Variants in TARBP1 observed in about 807,000 individuals in gnomAD.
TARBP1 encodes the protein tRNA (guanosine(18)-2'-O)-methyltransferase TARBP1.
In TARBP1, 144 loss-of-function variants were observed where a neutral mutation model predicts 178.6. That is an observed-to-expected ratio of 0.81 (90% CI 0.70 to 0.93). The LOEUF (loss-of-function observed/expected upper bound fraction) is 0.93. Among genes scored for constraint, TARBP1 ranks in the 40% least tolerant of loss-of-function variants. TARBP1 has a pLI of 0.00. For missense variants in TARBP1, 2,067 were observed against 2,011.7 expected, an observed-to-expected ratio of 1.03 and a Z score of -0.53; for synonymous variants, 787 against 781.0, an observed-to-expected ratio of 1.01 and a Z score of -0.13.
chr1:234,417,360 A>C (rs1662540686), intron 22 of TARBP1, among the ~76,000 whole-genome samples: 2 of 152,194 alleles, frequency 1.3e-5, no homozygotes, highest in Admixed American at 1.3e-4. Context: ...AAGAATAAGG[A>C]TATCTTTCCT....
intron 12 of TARBP1, among the ~76,000 whole-genome samples, chr1:234,439,308 A>T (rs1558209910): frequency 6.6e-6 from 1 of 152,224 alleles, no homozygotes; most frequent in Non-Finnish European, 1.5e-5. Flanking sequence ...GCTTTTCAAC[A>T]AATGTAAATA....
In TARBP1 at chr1:234,404,699, G is replaced by A. The variant is rs372834874; in HGVS notation, c.3989+1204C>T. Reference sequence around the variant, plus strand: ...TTCTCCAGTATACAGAACTGTGCACGATGTACCAGGAATCCATTCCCGCCT... The same window carrying A: ...TTCTCCAGTATACAGAACTGTGCACAATGTACCAGGAATCCATTCCCGCCT... On this transcript the variant is annotated intron_variant, in intron 24 of 29. Coordinates refer to ENST00000040877, the MANE Select transcript of TARBP1 (RefSeq NM_005646.4). Among the ~76,000 whole-genome samples the A allele has an allele frequency of 1.5e-3, 227 of 152,250 alleles. 2 individuals carry two copies. The South Asian group carries it at 0.034, about 23-fold the overall frequency.
Position 234,463,811 on chromosome 1 carries a change from TA to T in TARBP1, c.1399+25del, listed in dbSNP as rs200211800. ...AAGAAACTGTAAGCTAAAGCATTTTTAAAAAAACCCTTTACTGACACATACT... is the reference window on the plus strand; with the variant it reads ...AAGAAACTGTAAGCTAAAGCATTTTTAAAAAACCCTTTACTGACACATACT... On this transcript the variant is annotated intron_variant, in intron 6 of 29. Coordinates refer to ENST00000040877, the MANE Select transcript of TARBP1 (RefSeq NM_005646.4). The T allele has an allele frequency of 1.7e-5, 24 of 1,407,336 alleles. No individual in the cohort carries two copies. In the African/African-American group the frequency reaches 2.7e-4, roughly 16 times the overall value. 87.2% of individuals were successfully genotyped at this position (1,407,336 alleles called of 1,614,324 possible). A position where few individuals can be genotyped will look rare whatever the true frequency, so the allele number is the denominator to read the frequency against.
intron 20 of TARBP1, among the ~76,000 whole-genome samples, chr1:234,421,919 G>A (rs1280044754): frequency 2.6e-5 from 4 of 151,940 alleles, no homozygotes; most frequent in Admixed American, 6.5e-5. Flanking sequence ...CCATAATCTC[G>A]TTCTCTGCAT....
In TARBP1 at chr1:234,478,689, C is replaced by T. The variant is rs1669829212; in HGVS notation, c.415G>A (p.Ala139Thr). 2 of 1,221,482 alleles carry T rather than the reference C, an allele frequency of 1.6e-6. No homozygotes were observed. The highest frequency in any genetic ancestry group is 2.0e-6 in the Non-Finnish European group (2 of 979,844). 75.7% of individuals were successfully genotyped at this position (1,221,482 alleles called of 1,614,324 possible). A position where few individuals can be genotyped will look rare whatever the true frequency, so the allele number is the denominator to read the frequency against. Residue 139 changes from alanine (A) to threonine (T), a missense_variant, in exon 1 of 30, where the codon GCT becomes ACT. Coordinates refer to ENST00000040877, the MANE Select transcript of TARBP1 (RefSeq NM_005646.4). ...LAGWRAPGAE[A>T]AVEVLAAVGP... is the part of the protein sequence containing the mutation. ...ACGGCTGCTAGCACTTCCACGGCAG[C>T]CTCGGCGCCAGGCGCGCGCCACCCG...
At chr1:234,468,459 C>G (rs1013912970) in intron 3 of TARBP1, among the ~76,000 whole-genome samples, 1 of 152,076 alleles carries the variant, frequency 6.6e-6, no homozygotes, top group Non-Finnish European at 1.5e-5. Flanking sequence ...CAGAGTGAGA[C>G]TCTGTCTTGA....
chr1:234,470,025 G>A (rs932237062), intron 3 of TARBP1, among the ~76,000 whole-genome samples: 2 of 152,226 alleles, frequency 1.3e-5, no homozygotes, highest in Non-Finnish European at 2.9e-5. Context: ...CCAGCACTTT[G>A]GGAGGCTGAG....
At chr1:234,467,473 G>C in intron 4 of TARBP1, 29 bp downstream of exon 4, 1 of 1,513,574 alleles carries the variant, frequency 6.6e-7, no homozygotes, top group South Asian at 1.4e-5. Flanking sequence ...TCAACAATGG[G>C]AGCAAGGAAG....
chr1:234,406,236 T>C (rs1250000677), intron 23 of TARBP1, 137 bp from the exon 24 acceptor site: 5 of 724,480 alleles, frequency 6.9e-6, no homozygotes, highest in Non-Finnish European at 9.0e-6. Context: ...TACCAGGGCC[T>C]CTCATTCTTC....
rs941965 is a variant in TARBP1, at chr1:234,478,952, C to T, written c.152G>A (p.Ser51Asn). ...CTCCGGGAGCGCGCCTGCGCCCCCG[C>T]TGCCGCGCGCCTCCTCGTCCTCGAG... is the stretch of plus-strand genomic sequence containing the variant. ...QRLEDEEARG[S>N]GGAGALPEAA... The change falls in exon 1 of 30, where the codon AGC becomes AAC. Residue 51 changes from serine to asparagine, a missense_variant. Transcript: ENST00000040877. The T allele has an allele frequency of 0.036, 52,306 of 1,457,124 alleles. 1,689 individuals are homozygous for T. Among genetic ancestry groups the T allele is most frequent in the African/African-American group, 0.16 (10,607 of 67,422 alleles). The allele number at this position is 1,457,124 out of a possible 1,614,324, so 90.3% of individuals were successfully genotyped here.
At chr1:234,411,533 C>T (rs149597814) in intron 22 of TARBP1, among the ~76,000 whole-genome samples, 5,418 of 152,254 alleles carry the variant, frequency 0.036, 139 homozygotes, top group South Asian at 0.081. Context: ...AACAAAGACA[C>T]AGAGGCAAAC....
At chr1:234,447,847 T>C (rs942155851) in intron 11 of TARBP1, among the ~76,000 whole-genome samples, 1 of 152,226 alleles carries the variant, frequency 6.6e-6, no homozygotes, top group Non-Finnish European at 1.5e-5. Flanking sequence ...TAAATCTCTT[T>C]ACCTAAACTT....
At chr1:234,458,057 T>C (rs772255743) in intron 8 of TARBP1, among the ~76,000 whole-genome samples, 2 of 150,434 alleles carry the variant, frequency 1.3e-5, no homozygotes, top group Non-Finnish European at 3.0e-5. Context: ...TCAATCAAAA[T>C]GTGAGGACAG....
At chr1:234,468,225 G>C (rs1360615563) in intron 3 of TARBP1, among the ~76,000 whole-genome samples, 1 of 152,092 alleles carries the variant, frequency 6.6e-6, no homozygotes, top group Non-Finnish European at 1.5e-5. Flanking sequence ...GGCCGAGGCA[G>C]ATGGATCACA....
At chr1:234,467,087 A>G (rs77521053) in intron 4 of TARBP1, among the ~76,000 whole-genome samples, 15,922 of 152,162 alleles carry the variant, frequency 0.1, 1,441 homozygotes, top group East Asian at 0.55. Flanking sequence ...GGCAATCCCT[A>G]TTTCATATAG....
At chr1:234,392,384 A>G (rs1309585208) in intron 29 of TARBP1, 32 bp downstream of exon 29, 3 of 1,602,266 alleles carry the variant, frequency 1.9e-6, no homozygotes, top group Non-Finnish European at 2.5e-6. Flanking sequence ...TGGGGCTCAG[A>G]GAATATACTA....
At chr1:234,450,941 T>A (rs1179546719) in intron 9 of TARBP1, among the ~76,000 whole-genome samples, 1 of 152,114 alleles carries the variant, frequency 6.6e-6, no homozygotes, top group Non-Finnish European at 1.5e-5. Context: ...CTATAAAAAA[T>A]AACGCATTAC....
At chr1:234,469,131 T>G (rs1158388564) in intron 3 of TARBP1, among the ~76,000 whole-genome samples, 1 of 136,036 alleles carries the variant, frequency 7.4e-6, no homozygotes, top group Non-Finnish European at 1.5e-5. Context: ...CCTAATAGCA[T>G]GTACTGGACA....
At chr1:234,447,723 A>G (rs1414455359) in intron 11 of TARBP1, among the ~76,000 whole-genome samples, 2 of 152,212 alleles carry the variant, frequency 1.3e-5, no homozygotes, top group Non-Finnish European at 2.9e-5. Flanking sequence ...TGCTTATTGC[A>G]AAACAATAAT....
Sources: gnomAD v4.1 joint callset for allele counts (sites outside exome capture counted in the v4.1 genomes callset) on GRCh38, gnomAD v4.1.1 for gene constraint, MANE v1.5 for transcripts, NCBI Gene and HGNC (gene_info 2026-07-23, HGNC 2026-07-21) for gene names.